The following MTUS1 variants were observed in gnomAD, a reference collection of about 807,000 sequenced individuals.
MTUS1 encodes microtubule-associated tumor suppressor 1.
MTUS1 carries 109 observed loss-of-function variants against 120.8 expected under a neutral mutation model. The ratio of observed to expected loss-of-function variants is 0.90; its 90% CI spans 0.77 to 1.06. The LOEUF is 1.06. Ranked by LOEUF, MTUS1 falls within the 50% of genes least tolerant of loss-of-function variation. The pLI is 0.00. For synonymous variants in MTUS1, 737 were observed against 550.5 expected (o/e 1.34, Z -4.74); for missense variants, 2,210 against 1,486.3 (o/e 1.49, Z -8.01).
chr8:17,668,001 T>C (rs1811253360), intron 8 of MTUS1, among the ~76,000 whole-genome samples: 1 of 152,322 alleles, frequency 6.6e-6, no homozygotes, highest in South Asian at 2.1e-4. Context: ...AGGATTAAAA[T>C]CTTGTTTCAC....
intron 2 of MTUS1, among the ~76,000 whole-genome samples, chr8:17,750,384 G>C (rs1263517396): frequency 6.6e-6 from 1 of 152,178 alleles, no homozygotes; most frequent in Non-Finnish European, 1.5e-5. Context: ...CAACCCAAAA[G>C]TTAACCTCCC....
chr8:17,646,868 C>A, intron 14 of MTUS1, 114 bp downstream of exon 14: 1 of 715,774 alleles, frequency 1.4e-6, no homozygotes, highest in Admixed American at 2.5e-5. Flanking sequence ...GCCCTTTTAA[C>A]CATCTGCTTC....
At chr8:17,738,712 G>C (rs2047100421) in intron 3 of MTUS1, among the ~76,000 whole-genome samples, 1 of 152,092 alleles carries the variant, frequency 6.6e-6, no homozygotes, top group Non-Finnish European at 1.5e-5. Context: ...TCCTGAAGCA[G>C]CATTAATTTT....
rs748302796 is a variant in MTUS1 at position 17,753,697 on chromosome 8, A to AAT, written c.2091+18_2091+19dup. The AAT allele has an allele frequency of 1.3e-5, 20 of 1,488,546 alleles. No individual in the cohort carries two copies. Among genetic ancestry groups the AAT allele is most frequent in the Middle Eastern group, 1.9e-4 (1 of 5,332 alleles). 92.2% of individuals were successfully genotyped at this position (1,488,546 alleles called of 1,614,324 possible). A position where few individuals can be genotyped will look rare whatever the true frequency, so the allele number is the denominator to read the frequency against. On this transcript the variant is annotated intron_variant, in intron 2 of 14. Coordinates refer to ENST00000693296, the MANE Select transcript of MTUS1 (RefSeq NM_001363059.2). The stretch of plus-strand genomic sequence containing the variant: ...CCACAGTTCTCTGAAGCATGCAAAA[A>AAT]ATATATATATATTACTTACCAAAAA...
rs1175398258 is a variant in MTUS1, at chr8:17,723,919, C to T, written c.2288-86G>A. The T allele has an allele frequency of 2.8e-6, 3 of 1,084,700 alleles. No individual in the cohort carries two copies. The South Asian group carries it at 4.9e-5, about 18-fold the overall frequency. The allele number at this position is 1,084,700 out of a possible 1,614,324, so 67.2% of individuals were successfully genotyped here. ...TTAAGCCTGTAAACTCAAACTTCTG[C>T]ACTAACAACAAAGTCAAAACACAAA... On this transcript the variant is annotated intron_variant, in intron 3 of 14. Transcript: ENST00000693296.
chr8:17,668,578 G>C (rs924304952), intron 8 of MTUS1, among the ~76,000 whole-genome samples: 7 of 152,168 alleles, frequency 4.6e-5, no homozygotes, highest in Non-Finnish European at 1.0e-4. Context: ...ATGTATCCAA[G>C]AGAGTTACAG....
At chr8:17,788,646 C>G (rs564484270) in intron 1 of MTUS1, among the ~76,000 whole-genome samples, 5 of 152,274 alleles carry the variant, frequency 3.3e-5, no homozygotes, top group African/African-American at 1.2e-4. Context: ...CTGAGAATCT[C>G]AACTATATTT....
Position 17,644,612 on chromosome 8 carries a change from AGGGACTCCTTAAAGG to A in MTUS1, c.*1299_*1313del, listed in dbSNP as rs1198965712. ...CATTCTGCTACTTTCCCAAAGACAA[AGGGACTCCTTAAAGG>A]GTAACTGAAAAATGAGCGCTATCCT... On this transcript the variant is annotated 3_prime_UTR_variant, in exon 15 of 15. Transcript: ENST00000693296. 3 of 152,350 alleles carry A rather than the reference AGGGACTCCTTAAAGG, an allele frequency of 2.0e-5. No homozygotes were observed. Among genetic ancestry groups the A allele is most frequent in the South Asian group, 2.1e-4 (1 of 4,824 alleles). The allele number at this position is 152,350 out of a possible 1,614,324, so 9.4% of individuals were successfully genotyped here.
At chr8:17,730,531 T>C (rs2046499905) in intron 3 of MTUS1, among the ~76,000 whole-genome samples, 1 of 149,418 alleles carries the variant, frequency 6.7e-6, no homozygotes, top group Admixed American at 6.7e-5. Flanking sequence ...CAGGTATCTG[T>C]ACAACCATCT....
At chr8:17,686,066 A>G (rs749651015) in intron 6 of MTUS1, among the ~76,000 whole-genome samples, 1 of 152,250 alleles carries the variant, frequency 6.6e-6, no homozygotes, top group Non-Finnish European at 1.5e-5. Flanking sequence ...CACATAACAC[A>G]TAACAATTCC....
chr8:17,647,809 C>T (rs1806146717), intron 13 of MTUS1, among the ~76,000 whole-genome samples: 1 of 152,186 alleles, frequency 6.6e-6, no homozygotes, highest in African/African-American at 2.4e-5. Context: ...TTCCATCCCC[C>T]ACTCACTTTC....
chr8:17,697,737 C>T, intron 6 of MTUS1: 1 of 995,204 alleles, frequency 1.0e-6, no homozygotes. Flanking sequence ...TGGGTGGTCT[C>T]AGGAGCTTTA....
intron 3 of MTUS1, among the ~76,000 whole-genome samples, chr8:17,725,180 C>G (rs1010207050): frequency 6.6e-6 from 1 of 152,140 alleles, no homozygotes; most frequent in Non-Finnish European, 1.5e-5. Context: ...GAAGACTACC[C>G]AGAGTTGAAA....
intron 6 of MTUS1, among the ~76,000 whole-genome samples, chr8:17,689,535 A>G (rs1816537417): frequency 6.6e-6 from 1 of 152,190 alleles, no homozygotes; most frequent in Non-Finnish European, 1.5e-5. Flanking sequence ...CTGGCAGGAA[A>G]AAACCAAATT....
In MTUS1 at chr8:17,646,052, C is replaced by T; in HGVS notation, c.3687G>A (p.Glu1229=). 1 of 1,613,710 alleles carries T rather than the reference C, an allele frequency of 6.2e-7. No individual in the cohort carries two copies. The highest frequency in any genetic ancestry group is 2.2e-5 in the East Asian group (1 of 44,858). ...CCCCATTGTGCAGTTTCCACAGAAG[C>T]TCCTCGTTTTCCATAGAGAGTCGCT... ...VNKRLSMENE[E]LLWKLHNGDL... is the part of the protein sequence containing the mutation. The change falls in exon 15 of 15, where the codon GAG becomes GAA. Residue 1229 remains glutamate, a synonymous_variant. Transcript: ENST00000693296.
intron 6 of MTUS1, among the ~76,000 whole-genome samples, chr8:17,699,378 C>A (rs552459453): frequency 6.6e-6 from 1 of 152,210 alleles, no homozygotes; most frequent in South Asian, 2.1e-4. Flanking sequence ...CCATGCCTGG[C>A]TAATTTTTGT....
intron 1 of MTUS1, among the ~76,000 whole-genome samples, chr8:17,769,489 A>C (rs2049848042): frequency 6.6e-6 from 1 of 150,704 alleles, no homozygotes; most frequent in Non-Finnish European, 1.5e-5. Flanking sequence ...CTGGGACTAC[A>C]GGCGCCCGCC....
intron 1 of MTUS1, among the ~76,000 whole-genome samples, chr8:17,790,281 G>C (rs921194887): frequency 6.6e-6 from 1 of 151,222 alleles, no homozygotes; most frequent in Non-Finnish European, 1.5e-5. Flanking sequence ...CCGGGAGGCA[G>C]AGGTTGCCAT....
chr8:17,688,142 C>T (rs139919672), intron 6 of MTUS1, among the ~76,000 whole-genome samples: 2 of 152,156 alleles, frequency 1.3e-5, no homozygotes, highest in African/African-American at 4.8e-5. Flanking sequence ...TTCCGTGAAA[C>T]ACAAACTAAA....
Sources: gnomAD v4.1 joint callset for allele counts (sites outside exome capture counted in the v4.1 genomes callset) on GRCh38, gnomAD v4.1.1 for gene constraint, MANE v1.5 for transcripts, NCBI Gene and HGNC (gene_info 2026-07-23, HGNC 2026-07-21) for gene names.